PDXDC1: variants seen among roughly 807,000 people sequenced by gnomAD.
PDXDC1 encodes pyridoxal dependent decarboxylase domain containing 1.
PDXDC1 carries 42 observed loss-of-function variants against 100.1 expected under a neutral mutation model. The observed-to-expected ratio is 0.42, with a 90% CI of 0.33 to 0.54. The LOEUF is 0.54. Among genes scored for constraint, PDXDC1 ranks in the 20% least tolerant of loss-of-function variants. The pLI is 0.10. For synonymous variants in PDXDC1, 260 were observed against 371.7 expected, an observed-to-expected ratio of 0.70 and a Z score of 3.46; for missense variants, 636 against 979.2, an observed-to-expected ratio of 0.65 and a Z score of 4.68.
chr16:14,986,274 C>T (rs116396671), intron 1 of PDXDC1, among the ~76,000 whole-genome samples: 1 of 152,162 alleles, frequency 6.6e-6, no homozygotes. Context: ...GGAGTTTGAC[C>T]CGGCCAACAT....
At chr16:15,101,378 A>G (rs935509458) in intron 16 of PDXDC1, among the ~76,000 whole-genome samples, 6 of 152,184 alleles carry the variant, frequency 3.9e-5, no homozygotes, top group Non-Finnish European at 7.3e-5. Context: ...CTGCAGTGGC[A>G]CGATCTCGGC....
At position 14,977,321 on chromosome 16, in the gene PDXDC1, C is replaced by A. The variant is rs1437401633; in HGVS notation, c.21+2101C>A. Among the ~76,000 whole-genome samples, 4 of 145,944 alleles carry A rather than the reference C, an allele frequency of 2.7e-5. No homozygotes were observed. The East Asian group carries it at 8.4e-4, about 31-fold the overall frequency. ...TTGAGAGGGAGTCTCGGTCTCTTGC[C>A]CAGGCTGGAGTGCAGTGAGGCGATC... is the stretch of plus-strand genomic sequence containing the variant. On this transcript the variant is annotated intron_variant, in intron 1 of 22. Transcript: ENST00000396410.
intron 16 of PDXDC1, chr16:15,133,399 C>T: frequency 2.7e-6 from 3 of 1,096,808 alleles, no homozygotes; most frequent in South Asian, 2.6e-5. Context: ...TGCCGTTGGG[C>T]TCTGGGAGGG....
chr16:15,068,204 C>A, intron 16 of PDXDC1: 1 of 1,597,212 alleles, frequency 6.3e-7, no homozygotes, highest in South Asian at 1.1e-5. Context: ...CCACTGAGGG[C>A]AGGCAAATCT....
At chr16:15,011,781 A>T (rs2041311788) in intron 8 of PDXDC1, among the ~76,000 whole-genome samples, 1 of 152,248 alleles carries the variant, frequency 6.6e-6, no homozygotes, top group Admixed American at 6.5e-5. Flanking sequence ...CGCCTGCCTC[A>T]GCCTCCCGAG....
chr16:15,144,631 A>G, the PDXDC1 span, among the ~76,000 whole-genome samples: 2 of 152,206 alleles, frequency 1.3e-5, no homozygotes, highest in Non-Finnish European at 2.9e-5. Flanking sequence ...CTGTCCTTAC[A>G]GATCCCTCCC....
At chr16:15,029,035 G>A (rs1208279530) in intron 15 of PDXDC1, 69 bp downstream of exon 15, 8 of 1,535,586 alleles carry the variant, frequency 5.2e-6, no homozygotes, top group Non-Finnish European at 7.1e-6. Flanking sequence ...GCTGGTGAGG[G>A]TGACGCGTGC....
chr16:15,022,631 A>G, intron 12 of PDXDC1, 73 bp from the exon 13 acceptor site: 1 of 1,456,380 alleles, frequency 6.9e-7, no homozygotes, highest in Non-Finnish European at 9.5e-7. Flanking sequence ...AGACCTCCAC[A>G]GCCCCTGGTG....
chr16:14,980,126 C>A (rs1334265645), intron 1 of PDXDC1, among the ~76,000 whole-genome samples: 1 of 152,280 alleles, frequency 6.6e-6, no homozygotes, highest in African/African-American at 2.4e-5. Context: ...ATATTTATGG[C>A]TTTGTTCATT....
intron 17 of PDXDC1, 192 bp from the exon 18 acceptor site, chr16:15,032,669 A>AAAAAAAAAAAAAAAAGT: frequency 1.6e-5 from 7 of 448,478 alleles, no homozygotes; most frequent in Non-Finnish European, 1.9e-5. Flanking sequence ...AAAAAAAAAA[A>AAAAAAAAAAAAAAAAGT]GGCTTTCCTG....
chr16:15,104,427 C>A, intron 16 of PDXDC1: 1 of 1,410,216 alleles, frequency 7.1e-7, no homozygotes, highest in Non-Finnish European at 9.3e-7. Context: ...AGATTATCAT[C>A]CGCTGAGGGT....
intron 16 of PDXDC1, among the ~76,000 whole-genome samples, chr16:15,100,418 T>C (rs1250909089): frequency 6.6e-6 from 1 of 152,208 alleles, no homozygotes. Context: ...ACAACTAATT[T>C]AGAGCGTTCC....
At chr16:15,104,561 A>G in intron 16 of PDXDC1, 1 of 1,597,594 alleles carries the variant, frequency 6.3e-7, no homozygotes, top group African/African-American at 1.3e-5. Flanking sequence ...TCTTGAGATT[A>G]TCATCCGCTG....
At chr16:15,141,751 C>T (rs1231095993), downstream of PDXDC1, among the ~76,000 whole-genome samples, 2 of 152,244 alleles carry the variant, frequency 1.3e-5, no homozygotes, top group Non-Finnish European at 2.9e-5. Flanking sequence ...ACCATCCCCG[C>T]CGTGGGGTGG....
intron 1 of PDXDC1, among the ~76,000 whole-genome samples, chr16:14,987,485 A>G (rs1356441383): frequency 6.6e-6 from 1 of 152,300 alleles, no homozygotes; most frequent in African/African-American, 2.4e-5. Context: ...CCCAGTAAGT[A>G]TTAGTAATTA....
chr16:15,131,592 G>T (rs1239037663), intron 16 of PDXDC1: 1 of 1,604,094 alleles, frequency 6.2e-7, no homozygotes, highest in Non-Finnish European at 8.5e-7. Context: ...GGATGCGCAT[G>T]AGGGCAGAGG....
chr16:15,021,252 C>T lies in PDXDC1; in HGVS notation c.1090-1452C>T, dbSNP rs546863797. Among the ~76,000 whole-genome samples the T allele has an allele frequency of 5.9e-5, 9 of 152,376 alleles. No homozygotes were observed. The South Asian group carries it at 1.9e-3, about 32-fold the overall frequency. On this transcript the variant is annotated intron_variant, in intron 12 of 22. Transcript: ENST00000396410. ...ATTAGCCAGGTGTAGTGGCACACAC[C>T]TGTGATCCCAGCTACTCAGGAGGCT...
At chr16:15,079,861 T>G (rs1226938905) in intron 16 of PDXDC1, 14 of 986,700 alleles carry the variant, frequency 1.4e-5, no homozygotes, top group Non-Finnish European at 2.0e-5. Context: ...CCTCCCAAAG[T>G]GCTGGGAATA....
In PDXDC1 at chr16:15,048,775, C is replaced by T. The variant is rs137909102; in HGVS notation, c.1399+18719C>T. On this transcript the variant is annotated intron_variant, in intron 16 of 16. Transcript: ENST00000535621. Reference sequence around the variant, plus strand: ...AATAGCTGGGACTACAGGCTTGCACCACCACACCTGGCTGAGTTTTATACT... The same window carrying T: ...AATAGCTGGGACTACAGGCTTGCACTACCACACCTGGCTGAGTTTTATACT... Among the ~76,000 whole-genome samples the T allele has an allele frequency of 1.6e-3, 239 of 152,240 alleles. 1 individual carries two copies. The highest frequency in any genetic ancestry group is 5.6e-3 in the African/African-American group (233 of 41,538).
Sources: gnomAD v4.1 joint callset for allele counts (sites outside exome capture counted in the v4.1 genomes callset) on GRCh38, gnomAD v4.1.1 for gene constraint, MANE v1.5 for transcripts, NCBI Gene and HGNC (gene_info 2026-07-23, HGNC 2026-07-21) for gene names.